Variants in EPS15 observed in about 807,000 individuals in gnomAD.
The protein encoded by EPS15 is epidermal growth factor receptor substrate 15.
In EPS15, 72 loss-of-function variants were observed where a neutral mutation model predicts 113.8. That is an observed-to-expected ratio of 0.63 (90% CI 0.52 to 0.77). The LOEUF is 0.77. Ranked by LOEUF, EPS15 falls within the 30% of genes least tolerant of loss-of-function variation. The pLI is 0.00. For missense variants in EPS15, 1,048 were observed against 1,045.8 expected (o/e 1.00, Z -0.03); for synonymous variants, 344 against 363.4 (o/e 0.95, Z 0.61).
At chr1:51,452,913 T>C (rs1028483481) in intron 8 of EPS15, among the ~76,000 whole-genome samples, 1 of 152,210 alleles carries the variant, frequency 6.6e-6, no homozygotes, top group African/African-American at 2.4e-5. Flanking sequence ...ACCAGCAAGG[T>C]TGGGCCTGAG....
chr1:51,447,095 G>T lies in EPS15; in HGVS notation c.662C>A (p.Ser221Tyr). The change falls in exon 10 of 25, where the codon TCC (serine) becomes TAC (tyrosine). Residue 221 changes from serine to tyrosine, a missense_variant. Transcript: ENST00000371733. ...ATCATATTTAGCTTTTTCTGCAGGG[G>T]ATACAACCCACTACAGGGAGGAAAA... is the stretch of plus-strand genomic sequence containing the variant. Reference protein sequence around the residue: ...PPSKRKTWVVSPAEKAKYDEI... With the variant: ...PPSKRKTWVVYPAEKAKYDEI... 1 of 1,608,516 alleles carries T rather than the reference G, an allele frequency of 6.2e-7. No individual in the cohort carries two copies. The highest frequency in any genetic ancestry group is 1.1e-5 in the South Asian group (1 of 89,598).
intron 24 of EPS15, 63 bp from the exon 25 acceptor site, chr1:51,356,909 GA>G: frequency 6.9e-7 from 1 of 1,457,906 alleles, no homozygotes; most frequent in Non-Finnish European, 9.3e-7. Flanking sequence ...TAAAAAGAAG[GA>G]AAAATAGTTT....
intron 20 of EPS15, among the ~76,000 whole-genome samples, chr1:51,395,377 G>A (rs182269090): frequency 5.3e-5 from 8 of 151,956 alleles, no homozygotes; most frequent in South Asian, 4.2e-4. Context: ...ATCATTTTAC[G>A]TTTAGAATGC....
intron 1 of EPS15, among the ~76,000 whole-genome samples, chr1:51,497,780 C>T (rs988172159): frequency 2.0e-5 from 3 of 151,914 alleles, no homozygotes; most frequent in South Asian, 2.1e-4. Context: ...AGATGGAGAC[C>T]GTCCTGGCCA....
At chr1:51,399,254 T>C in intron 19 of EPS15, 89 bp from the exon 20 acceptor site, 1 of 1,268,928 alleles carries the variant, frequency 7.9e-7, no homozygotes, top group African/African-American at 1.5e-5. Flanking sequence ...GTGCCTTAAT[T>C]AAAAGACAGT....
chr1:51,503,929 A>G (rs1644454736), intron 1 of EPS15, among the ~76,000 whole-genome samples: 1 of 152,182 alleles, frequency 6.6e-6, no homozygotes, highest in African/African-American at 2.4e-5. Flanking sequence ...CCTTTACCTC[A>G]CACCATATAT....
intron 24 of EPS15, among the ~76,000 whole-genome samples, chr1:51,359,326 C>T (rs1646321972): frequency 1.3e-5 from 2 of 151,392 alleles, no homozygotes; most frequent in Non-Finnish European, 2.9e-5. Flanking sequence ...TGCCTGTAGT[C>T]CCAGCTACTT....
chr1:51,358,709 GTTTTTTTTTTTTTT>G, intron 24 of EPS15, among the ~76,000 whole-genome samples: 1 of 121,358 alleles, frequency 8.2e-6, no homozygotes, highest in South Asian at 2.6e-4. Context: ...GTTTTTTTTT[GTTTTTTTTTTTTTT>G]TTTGAGGCGG....
At chr1:51,500,205 T>G (rs1466621470) in intron 1 of EPS15, among the ~76,000 whole-genome samples, 1 of 152,262 alleles carries the variant, frequency 6.6e-6, no homozygotes. Flanking sequence ...CAAAGGATAC[T>G]TGAGTTATTT....
intron 15 of EPS15, 57 bp downstream of exon 15, chr1:51,408,078 T>C (rs1337740396): frequency 2.1e-6 from 3 of 1,454,480 alleles, no homozygotes; most frequent in East Asian, 4.5e-5. Context: ...AAAGTATAAC[T>C]GACTAAAGGA....
intron 2 of EPS15, among the ~76,000 whole-genome samples, chr1:51,473,712 A>G (rs778928620): frequency 5.3e-5 from 8 of 152,202 alleles, no homozygotes; most frequent in African/African-American, 9.6e-5. Context: ...AGGTAACAGG[A>G]TAATAGTATA....
In EPS15 at chr1:51,363,800, C is replaced by T. The variant is rs560849355; in HGVS notation, c.2359+66G>A. The T allele has an allele frequency of 9.7e-5, 141 of 1,457,744 alleles. 1 individual carries two copies. The South Asian group carries it at 1.6e-3, about 16-fold the overall frequency. The allele number at this position is 1,457,744 out of a possible 1,614,324, so 90.3% of individuals were successfully genotyped here. A position where few individuals can be genotyped will look rare whatever the true frequency, so the allele number is the denominator to read the frequency against. ...TAAAGCCATTTATATAAGTAAGTTC[C>T]GCACAATACTTTTCAGAAAGAGAAA... On this transcript the variant is annotated intron_variant, in intron 23 of 24. Coordinates refer to ENST00000371733, the MANE Select transcript of EPS15 (RefSeq NM_001981.3).
rs1369524012 is a variant in EPS15 at position 51,461,248 on chromosome 1, C to G, written c.502-98G>C. 6.9e-6 allele frequency: 6 copies of G among 865,384 alleles called. No homozygotes were observed. In the African/African-American group the frequency reaches 1.0e-4, roughly 14 times the overall value. The allele number at this position is 865,384 out of a possible 1,614,324, so 53.6% of individuals were successfully genotyped here. On this transcript the variant is annotated intron_variant, in intron 7 of 24. Coordinates refer to ENST00000371733, the MANE Select transcript of EPS15 (RefSeq NM_001981.3). Reference sequence around the variant, plus strand: ...AGTTTATGAGCTAGGAATGGTGGCTCATGCCCATATGGCCTCCCAGCACTT... The same window carrying G: ...AGTTTATGAGCTAGGAATGGTGGCTGATGCCCATATGGCCTCCCAGCACTT...
intron 12 of EPS15, among the ~76,000 whole-genome samples, chr1:51,439,721 A>C (rs1275503026): frequency 6.6e-6 from 1 of 152,092 alleles, no homozygotes; most frequent in Admixed American, 6.5e-5. Flanking sequence ...TCAACTTAGA[A>C]TAAAGTAGTC....
Position 51,357,640 on chromosome 1 carries a change from TA to T in EPS15, c.2545-795del, listed in dbSNP as rs1304770204. 2.2e-4 allele frequency among the ~76,000 whole-genome samples: 29 copies of T among 132,978 alleles called. 1 individual carries two copies. The highest frequency in any genetic ancestry group is 6.9e-4 in the South Asian group (3 of 4,338). 87.2% of individuals were successfully genotyped at this position (132,978 alleles called of 152,430 possible). A position where few individuals can be genotyped will look rare whatever the true frequency, so the allele number is the denominator to read the frequency against. On this transcript the variant is annotated intron_variant, in intron 24 of 24. Transcript: ENST00000371733. ...TGGTAGTTTCCTAACCCTTAATGTG[TA>T]AAAAAGCTAAGAAGCAAGAAAAAAA...
At chr1:51,370,654 T>C (rs1444777241) in intron 21 of EPS15, among the ~76,000 whole-genome samples, 1 of 151,830 alleles carries the variant, frequency 6.6e-6, no homozygotes, top group African/African-American at 2.4e-5. Flanking sequence ...AGAGTCTCAC[T>C]CTGTAGCCCA....
chr1:51,450,585 A>C (rs1405961086), intron 8 of EPS15, among the ~76,000 whole-genome samples: 1 of 151,868 alleles, frequency 6.6e-6, no homozygotes, highest in Admixed American at 6.5e-5. Context: ...GTTCTCAGCC[A>C]AGAACTTAAA....
chr1:51,443,786 A>C (rs1652795160), intron 11 of EPS15, among the ~76,000 whole-genome samples: 1 of 151,670 alleles, frequency 6.6e-6, no homozygotes, highest in African/African-American at 2.4e-5. Context: ...CCGAGTAGCT[A>C]GAACTACAGG....
chr1:51,513,215 T>A (rs1029237024), intron 1 of EPS15, among the ~76,000 whole-genome samples: 3 of 152,128 alleles, frequency 2.0e-5, no homozygotes, highest in African/African-American at 4.8e-5. Flanking sequence ...TGCTCACACA[T>A]GTGCACAAAA....
Sources: gnomAD v4.1 joint callset for allele counts (sites outside exome capture counted in the v4.1 genomes callset) on GRCh38, gnomAD v4.1.1 for gene constraint, MANE v1.5 for transcripts, NCBI Gene and HGNC (gene_info 2026-07-23, HGNC 2026-07-21) for gene names.